Variants in PRKG1 observed in about 807,000 individuals in gnomAD.
The protein encoded by PRKG1 is protein kinase cGMP-dependent 1.
Under a neutral mutation model 88.1 loss-of-function variants are expected in PRKG1, and 35 were observed. The observed-to-expected ratio is 0.40, with a 90% CI of 0.30 to 0.53. The LOEUF is 0.53. Ranked by LOEUF, PRKG1 falls within the 20% of genes least tolerant of loss-of-function variation. The probability of loss-of-function intolerance (pLI) is 0.59; values close to 1 mark genes in which losing one functional copy is unlikely to be tolerated. For synonymous variants in PRKG1, 303 were observed against 292.5 expected, an observed-to-expected ratio of 1.04 and a Z score of -0.37; for missense variants, 540 against 839.8, an observed-to-expected ratio of 0.64 and a Z score of 4.41.
chr10:52,183,673 A>T (rs890768406), intron 9 of PRKG1, among the ~76,000 whole-genome samples: 3 of 152,186 alleles, frequency 2.0e-5, no homozygotes, highest in Admixed American at 6.5e-5. Context: ...GCCTACTGGC[A>T]CCTAGAGGAG....
intron 8 of PRKG1, among the ~76,000 whole-genome samples, chr10:52,144,631 T>G (rs1461971861): frequency 6.6e-6 from 1 of 152,028 alleles, no homozygotes; most frequent in Non-Finnish European, 1.5e-5. Flanking sequence ...GCCAACATGG[T>G]GAAACCCTGT....
At chr10:51,468,624 C>T (rs574655605) in intron 3 of PRKG1, among the ~76,000 whole-genome samples, 14 of 151,856 alleles carry the variant, frequency 9.2e-5, no homozygotes, top group Admixed American at 7.9e-4. Flanking sequence ...TTTAGGCAAA[C>T]GTGTGTATTT....
At chr10:51,039,049 T>C (rs143505178) in intron 1 of PRKG1, among the ~76,000 whole-genome samples, 2 of 151,938 alleles carry the variant, frequency 1.3e-5, no homozygotes, top group Admixed American at 1.3e-4. Flanking sequence ...AACAAGAGAG[T>C]GCAGATATCT....
chr10:51,337,427 A>G (rs1841902582), intron 2 of PRKG1, among the ~76,000 whole-genome samples: 1 of 152,170 alleles, frequency 6.6e-6, no homozygotes, highest in South Asian at 2.1e-4. Flanking sequence ...TAATTAAACT[A>G]AAAAGCTTCT....
At chr10:51,073,486 C>G (rs1471271140), upstream of PRKG1, among the ~76,000 whole-genome samples, 1 of 152,082 alleles carries the variant, frequency 6.6e-6, no homozygotes, top group African/African-American at 2.4e-5. Context: ...AACCCCCACC[C>G]TCTCCCCGCC....
At chr10:51,537,472 C>A (rs1842185590) in intron 3 of PRKG1, among the ~76,000 whole-genome samples, 1 of 152,124 alleles carries the variant, frequency 6.6e-6, no homozygotes, top group African/African-American at 2.4e-5. Context: ...GTGGCTCACG[C>A]CTGTAATCCC....
chr10:51,440,360 A>G (rs1281017573), intron 2 of PRKG1, among the ~76,000 whole-genome samples: 1 of 151,974 alleles, frequency 6.6e-6, no homozygotes, highest in African/African-American at 2.4e-5. Flanking sequence ...GACTTATGAT[A>G]GGGTTACATT....
intron 2 of PRKG1, among the ~76,000 whole-genome samples, chr10:51,288,578 G>A (rs1373296371): frequency 6.6e-6 from 1 of 152,140 alleles, no homozygotes; most frequent in African/African-American, 2.4e-5. Context: ...AGTTCAAGGA[G>A]ATTCTGAGTG....
chr10:51,964,507 T>C (rs1197644807), intron 5 of PRKG1, among the ~76,000 whole-genome samples: 1 of 152,220 alleles, frequency 6.6e-6, no homozygotes, highest in African/African-American at 2.4e-5. Flanking sequence ...GGCAGAGCCA[T>C]GTCATCGTGA....
chr10:51,850,570 TA>T (rs1207823513), intron 4 of PRKG1, among the ~76,000 whole-genome samples: 1 of 151,948 alleles, frequency 6.6e-6, no homozygotes, highest in Non-Finnish European at 1.5e-5. Context: ...AGGCCAATAA[TA>T]AACTGAGGGA....
At chr10:51,525,662 C>T (rs952564570) in intron 3 of PRKG1, among the ~76,000 whole-genome samples, 1 of 152,048 alleles carries the variant, frequency 6.6e-6, no homozygotes, top group South Asian at 2.1e-4. Flanking sequence ...TGCACCACTG[C>T]CCTCCAGCCT....
intron 4 of PRKG1, among the ~76,000 whole-genome samples, chr10:51,855,172 C>T (rs1937708): frequency 0.14 from 20,921 of 152,112 alleles, 1,819 homozygotes; most frequent in Admixed American, 0.2. Flanking sequence ...ATAGCTTAGA[C>T]TTATTTCAAA....
intron 2 of PRKG1, among the ~76,000 whole-genome samples, chr10:51,410,941 C>T (rs1381228169): frequency 6.6e-6 from 1 of 151,552 alleles, no homozygotes; most frequent in Non-Finnish European, 1.5e-5. Flanking sequence ...ATCGGATGTA[C>T]ACAAATTTTC....
chr10:51,615,866 G>A (rs1839038904), intron 3 of PRKG1, among the ~76,000 whole-genome samples: 1 of 151,906 alleles, frequency 6.6e-6, no homozygotes, highest in African/African-American at 2.4e-5. Context: ...TATTCATTTA[G>A]TGGTGTCATA....
intron 3 of PRKG1, among the ~76,000 whole-genome samples, chr10:51,504,627 T>A (rs1156841479): frequency 6.6e-6 from 1 of 152,188 alleles, no homozygotes; most frequent in Non-Finnish European, 1.5e-5. Flanking sequence ...TCCATTTGTT[T>A]GTATCCTCTT....
At chr10:51,556,256 T>A (rs1941839593) in intron 3 of PRKG1, among the ~76,000 whole-genome samples, 1 of 152,014 alleles carries the variant, frequency 6.6e-6, no homozygotes, top group South Asian at 2.1e-4. Context: ...AGAAGTAAAG[T>A]TGCTTTCTGA....
At chr10:52,147,584 A>G (rs186538664) in intron 8 of PRKG1, among the ~76,000 whole-genome samples, 193 of 152,340 alleles carry the variant, frequency 1.3e-3, no homozygotes, top group African/African-American at 4.6e-3. Context: ...CCAACAAAGT[A>G]AGTGGTAACT....
In PRKG1 at chr10:50,991,559, G is replaced by A. The variant is rs1320431652; in HGVS notation, c.181G>A (p.Ala61Thr). 1.2e-6 allele frequency: 2 copies of A among 1,607,972 alleles called. No homozygotes were observed. Among genetic ancestry groups the A allele is most frequent in the Non-Finnish European group, 1.7e-6 (2 of 1,177,918 alleles). The change falls in exon 1 of 18, where the codon GCG (alanine) becomes ACG (threonine). Residue 61 changes from alanine (A) to threonine (T), a missense_variant. Ala to Thr is a moderately conservative substitution (Grantham distance 58). Transcript: ENST00000401604. The surrounding 1 kb of genome is among the most constrained non-coding windows in gnomAD (Gnocchi z 4.5). Reference sequence around the variant, plus strand: ...CCACATCGGCCCCCGGACCACCCGGGCGCAGGGCATCTCGGCCGAGCCGCA... The same window carrying A: ...CCACATCGGCCCCCGGACCACCCGGACGCAGGGCATCTCGGCCGAGCCGCA...
At chr10:51,221,579 CATG>C (rs1297087182) in intron 2 of PRKG1, among the ~76,000 whole-genome samples, 20 of 147,752 alleles carry the variant, frequency 1.4e-4, no homozygotes, top group Non-Finnish European at 1.9e-4. Flanking sequence ...CAGCAGCCAC[CATG>C]ATAATTTCAG....
Sources: gnomAD v4.1 joint callset for allele counts (sites outside exome capture counted in the v4.1 genomes callset) on GRCh38, gnomAD v4.1.1 for gene constraint, Gnocchi (gnomAD v3.1) non-coding constraint, MANE v1.5 for transcripts, NCBI Gene and HGNC (gene_info 2026-07-23, HGNC 2026-07-21) for gene names.